The following TTC29 variants were observed in gnomAD, a reference collection of about 807,000 sequenced individuals.
The protein encoded by TTC29 is tetratricopeptide repeat protein 29.
In TTC29, 49 loss-of-function variants were observed where a neutral mutation model predicts 58.1. The observed-to-expected ratio is 0.84, with a 90% confidence interval of 0.67 to 1.07. The LOEUF (loss-of-function observed/expected upper bound fraction) is 1.07. TTC29 is among the 50% of genes least tolerant of loss of function. TTC29 has a pLI of 0.00. For synonymous variants in TTC29, 209 were observed against 196.8 expected, an observed-to-expected ratio of 1.06 and a Z score of -0.52; for missense variants, 582 against 555.6, an observed-to-expected ratio of 1.05 and a Z score of -0.48.
chr4:146,944,599 G>T (rs1736748601), intron 2 of TTC29, among the ~76,000 whole-genome samples: 1 of 152,106 alleles, frequency 6.6e-6, no homozygotes, highest in African/African-American at 2.4e-5. Context: ...TGTCTGCAGG[G>T]TTCAGTCACT....
At chr4:146,730,034 A>T (rs1160158454) in intron 11 of TTC29, among the ~76,000 whole-genome samples, 1 of 152,020 alleles carries the variant, frequency 6.6e-6, no homozygotes, top group Non-Finnish European at 1.5e-5. Flanking sequence ...TTCTTTACAT[A>T]CTAACTTTGT....
chr4:146,940,290 C>G (rs558931551), intron 2 of TTC29, among the ~76,000 whole-genome samples: 1 of 152,156 alleles, frequency 6.6e-6, no homozygotes, highest in African/African-American at 2.4e-5. Flanking sequence ...TTTCCTGTTA[C>G]AATCAATAAT....
chr4:146,861,671 T>C (rs186267327), intron 8 of TTC29, among the ~76,000 whole-genome samples: 355 of 152,308 alleles, frequency 2.3e-3, no homozygotes, highest in Non-Finnish European at 4.4e-3. Flanking sequence ...TACTGATAAA[T>C]TAAAGCCTTT....
At chr4:146,881,987 C>T (rs948105678) in intron 6 of TTC29, among the ~76,000 whole-genome samples, 8 of 151,972 alleles carry the variant, frequency 5.3e-5, no homozygotes, top group African/African-American at 1.2e-4. Context: ...TTCAAATGGA[C>T]GTTATAGGAA....
chr4:146,945,267 C>T (rs1482070712), intron 1 of TTC29, among the ~76,000 whole-genome samples, 190 bp from the exon 2 acceptor site: 1 of 152,154 alleles, frequency 6.6e-6, no homozygotes, highest in Non-Finnish European at 1.5e-5. Flanking sequence ...AAACTAATCA[C>T]TAAATCAGTG....
intron 6 of TTC29, among the ~76,000 whole-genome samples, chr4:146,897,523 C>T (rs866513261): frequency 1.3e-5 from 2 of 152,146 alleles, no homozygotes; most frequent in African/African-American, 2.4e-5. Flanking sequence ...GTCCCTCTCC[C>T]GCTCCCTGCC....
At chr4:146,847,872 G>A (rs1729275009) in intron 8 of TTC29, among the ~76,000 whole-genome samples, 2 of 152,188 alleles carry the variant, frequency 1.3e-5, no homozygotes, top group Middle Eastern at 3.2e-3. Flanking sequence ...GTCAAACTGT[G>A]CAGCCTGGAT....
intron 11 of TTC29, among the ~76,000 whole-genome samples, chr4:146,794,894 C>A (rs1749732388): frequency 6.6e-6 from 1 of 152,052 alleles, no homozygotes. Context: ...AGAAATCAGA[C>A]TTATCTCACT....
intron 8 of TTC29, among the ~76,000 whole-genome samples, chr4:146,847,027 T>C (rs1418302517): frequency 1.3e-5 from 2 of 152,166 alleles, no homozygotes; most frequent in Admixed American, 1.3e-4. Flanking sequence ...TAAAACATGG[T>C]AGGAAAGTCT....
intron 11 of TTC29, among the ~76,000 whole-genome samples, chr4:146,747,612 C>T (rs765200877): frequency 1.6e-4 from 25 of 152,176 alleles, no homozygotes; most frequent in African/African-American, 4.3e-4. Flanking sequence ...GTCTTCTGCA[C>T]GCTGGAGCAG....
intron 9 of TTC29, among the ~76,000 whole-genome samples, chr4:146,821,747 C>T (rs1751846299): frequency 6.6e-6 from 1 of 152,164 alleles, no homozygotes; most frequent in Non-Finnish European, 1.5e-5. Context: ...TGATTGTAAA[C>T]TCCTGACCCT....
At position 146,746,335 on chromosome 4, in the gene TTC29, G is replaced by T. The variant is rs146275517; in HGVS notation, c.1331-38784C>A. 9.1e-3 allele frequency among the ~76,000 whole-genome samples: 1,385 copies of T among 152,038 alleles called. 15 individuals carry two copies. The highest frequency in any genetic ancestry group is 0.024 in the Middle Eastern group (7 of 294). On this transcript the variant is annotated intron_variant, in intron 11 of 12. Transcript: ENST00000325106. ...TCGTTAGTATGCTCAACAAAGAATAGACAGTTGCATTAAGAATTAGAAATG... is the reference window on the plus strand; with the variant it reads ...TCGTTAGTATGCTCAACAAAGAATATACAGTTGCATTAAGAATTAGAAATG...
intron 10 of TTC29, among the ~76,000 whole-genome samples, chr4:146,806,142 T>C (rs1750600477): frequency 6.6e-6 from 1 of 152,156 alleles, no homozygotes; most frequent in Non-Finnish European, 1.5e-5. Context: ...CTAAGCTTCA[T>C]AAGCTAAGGA....
At position 146,742,951 on chromosome 4, in the gene TTC29, C is replaced by T. The variant is rs542789936; in HGVS notation, c.1331-35400G>A. ...TAAAACAAACTAAGGCAACAGAAAA[C>T]GCAATGGAAAGAAAAATCCTCAGAT... On this transcript the variant is annotated intron_variant, in intron 11 of 12. Transcript: ENST00000325106. Among the ~76,000 whole-genome samples the T allele has an allele frequency of 6.6e-5, 10 of 151,882 alleles. No individual in the cohort carries two copies. The South Asian group carries it at 1.5e-3, about 22-fold the overall frequency.
intron 11 of TTC29, among the ~76,000 whole-genome samples, chr4:146,788,613 A>G (rs17784729): frequency 0.064 from 9,727 of 151,604 alleles, 444 homozygotes; most frequent in Non-Finnish European, 0.1. Flanking sequence ...AGACCATTTA[A>G]CCTGTAGTAT....
At chr4:146,786,763 A>G (rs1056221505) in intron 11 of TTC29, among the ~76,000 whole-genome samples, 1 of 152,194 alleles carries the variant, frequency 6.6e-6, no homozygotes, top group African/African-American at 2.4e-5. Flanking sequence ...GAAAATCTGT[A>G]TAAATTTTAG....
chr4:146,720,282 A>G (rs1743262516), intron 11 of TTC29, among the ~76,000 whole-genome samples: 2 of 152,188 alleles, frequency 1.3e-5, no homozygotes, highest in African/African-American at 2.4e-5. Context: ...ATACGACTTT[A>G]GACGAGCTCA....
At chr4:146,771,124 C>T (rs1044701870) in intron 11 of TTC29, among the ~76,000 whole-genome samples, 2 of 152,044 alleles carry the variant, frequency 1.3e-5, no homozygotes, top group African/African-American at 4.8e-5. Flanking sequence ...CAGTGTAAGA[C>T]CTCACAGGCA....
intron 4 of TTC29, among the ~76,000 whole-genome samples, chr4:146,915,899 G>A (rs941804583): frequency 6.6e-6 from 1 of 151,764 alleles, no homozygotes; most frequent in Non-Finnish European, 1.5e-5. Flanking sequence ...CATTTAATCT[G>A]ACAAAGATAA....
Sources: gnomAD v4.1 joint callset for allele counts (sites outside exome capture counted in the v4.1 genomes callset) on GRCh38, gnomAD v4.1.1 for gene constraint, MANE v1.5 for transcripts, NCBI Gene and HGNC (gene_info 2026-07-23, HGNC 2026-07-21) for gene names.